GRID2: variants seen among roughly 807,000 people sequenced by gnomAD.
GRID2 encodes the protein glutamate receptor ionotropic, delta-2.
In GRID2, 33 loss-of-function variants were observed where a neutral mutation model predicts 114.8. The observed-to-expected ratio is 0.29, with a 90% CI of 0.22 to 0.38. GRID2 has a LOEUF of 0.38. GRID2 is among the 10% of genes least tolerant of loss of function. The pLI, the probability that GRID2 is intolerant of heterozygous loss-of-function variation, is 1.00. For synonymous variants in GRID2, 505 were observed against 449.9 expected, an observed-to-expected ratio of 1.12 and a Z score of -1.55; for missense variants, 1,184 against 1,257.7, an observed-to-expected ratio of 0.94 and a Z score of 0.89.
intron 1 of GRID2, among the ~76,000 whole-genome samples, chr4:92,470,387 G>A (rs1004419033): frequency 6.6e-6 from 1 of 151,468 alleles, no homozygotes; most frequent in East Asian, 1.9e-4. Flanking sequence ...TGTGAAAAAA[G>A]AATTCCTTGA....
intron 14 of GRID2, among the ~76,000 whole-genome samples, chr4:93,757,841 C>G (rs1039261531): frequency 6.6e-5 from 10 of 152,126 alleles, no homozygotes; most frequent in Admixed American, 6.5e-4. Context: ...CCTGTAATCC[C>G]AGCTACTTGG....
chr4:92,327,044 C>A (rs1290422830), intron 1 of GRID2, among the ~76,000 whole-genome samples: 1 of 151,954 alleles, frequency 6.6e-6, no homozygotes, highest in East Asian at 1.9e-4. Context: ...TGTTTGGCAC[C>A]TCTTTGCTGC....
chr4:92,967,581 G>C (rs1361506655), intron 2 of GRID2, among the ~76,000 whole-genome samples: 1 of 151,656 alleles, frequency 6.6e-6, no homozygotes, highest in Non-Finnish European at 1.5e-5. Flanking sequence ...ATTGTATTCT[G>C]TACTACCTGA....
At chr4:92,905,049 T>G (rs1051476067) in intron 2 of GRID2, among the ~76,000 whole-genome samples, 9 of 152,064 alleles carry the variant, frequency 5.9e-5, no homozygotes, top group Admixed American at 4.6e-4. Context: ...AGCTACTGAT[T>G]AGTTAAGTGA....
intron 10 of GRID2, among the ~76,000 whole-genome samples, chr4:93,428,277 C>A (rs1475869399): frequency 2.0e-5 from 3 of 151,952 alleles, no homozygotes; most frequent in African/African-American, 4.8e-5. Flanking sequence ...GAAAAGATTT[C>A]TATAAAGTAA....
At chr4:93,173,033 CA>C (rs1219753039) in intron 4 of GRID2, among the ~76,000 whole-genome samples, 10 of 151,220 alleles carry the variant, frequency 6.6e-5, no homozygotes, top group Non-Finnish European at 1.5e-4. Context: ...CTGTTCTTAA[CA>C]ACATGTTTCA....
At chr4:93,210,028 A>G (rs1377734541) in intron 5 of GRID2, among the ~76,000 whole-genome samples, 2 of 152,144 alleles carry the variant, frequency 1.3e-5, no homozygotes, top group African/African-American at 2.4e-5. Flanking sequence ...ATAGTTTGCA[A>G]AAATTTTCTC....
At chr4:92,740,698 A>AGAT (rs1400419079) in intron 2 of GRID2, among the ~76,000 whole-genome samples, 276 of 29,942 alleles carry the variant, frequency 9.2e-3, no homozygotes, top group African/African-American at 0.024. Flanking sequence ...GATGATAGAT[A>AGAT]GATAGATAGA....
intron 2 of GRID2, among the ~76,000 whole-genome samples, chr4:92,698,088 C>T (rs946209057): frequency 2.0e-5 from 3 of 152,056 alleles, no homozygotes; most frequent in African/African-American, 7.2e-5. Context: ...GAAGTTGGAG[C>T]TATTGTGCAC....
At chr4:93,024,952 A>T (rs1235580913) in intron 2 of GRID2, among the ~76,000 whole-genome samples, 1 of 151,868 alleles carries the variant, frequency 6.6e-6, no homozygotes, top group African/African-American at 2.4e-5. Flanking sequence ...CAGAGAAATG[A>T]TAACTAAAAT....
chr4:92,746,626 C>T (rs1306550666), intron 2 of GRID2, among the ~76,000 whole-genome samples: 2 of 151,866 alleles, frequency 1.3e-5, no homozygotes, highest in African/African-American at 4.8e-5. Flanking sequence ...ACTCATTTTA[C>T]TTCATGTCAT....
chr4:92,556,665 C>T (rs141448437), intron 1 of GRID2, among the ~76,000 whole-genome samples: 4 of 152,144 alleles, frequency 2.6e-5, no homozygotes, highest in African/African-American at 7.2e-5. Flanking sequence ...TGAAGGCTCA[C>T]GTGAGTGAGT....
chr4:93,032,774 A>G (rs943751340), intron 2 of GRID2, among the ~76,000 whole-genome samples: 8 of 152,184 alleles, frequency 5.3e-5, no homozygotes, highest in Non-Finnish European at 1.0e-4. Context: ...CTTCACATAA[A>G]TTGAAAATAA....
At chr4:92,973,696 G>T (rs1282268576) in intron 2 of GRID2, among the ~76,000 whole-genome samples, 1 of 152,098 alleles carries the variant, frequency 6.6e-6, no homozygotes, top group Non-Finnish European at 1.5e-5. Context: ...AAGGTAAACT[G>T]TGATAATTAG....
At chr4:93,316,276 A>AACG (rs1756582550) in intron 8 of GRID2, among the ~76,000 whole-genome samples, 1 of 57,324 alleles carries the variant, frequency 1.7e-5, no homozygotes. Flanking sequence ...AGAAAGAAAG[A>AACG]AAAGAACGAA....
intron 10 of GRID2, among the ~76,000 whole-genome samples, chr4:93,451,845 T>TA (rs1722714831): frequency 6.6e-6 from 1 of 152,106 alleles, no homozygotes; most frequent in Admixed American, 6.6e-5. Context: ...ATGACTTATA[T>TA]AAAAAGACAC....
intron 4 of GRID2, among the ~76,000 whole-genome samples, chr4:93,127,589 G>C (rs1020384746): frequency 6.6e-6 from 1 of 152,116 alleles, no homozygotes; most frequent in Non-Finnish European, 1.5e-5. Context: ...AAACCTAGGG[G>C]ATAGATGCAA....
chr4:92,840,910 A>G (rs1742842878), intron 2 of GRID2, among the ~76,000 whole-genome samples: 1 of 152,002 alleles, frequency 6.6e-6, no homozygotes, highest in African/African-American at 2.4e-5. Context: ...TCAGTAACTA[A>G]ATGGGTTAAT....
chr4:92,823,117 A>G (rs1170102754), intron 2 of GRID2: 1 of 152,164 alleles, frequency 6.6e-6, no homozygotes, highest in African/African-American at 2.4e-5. Context: ...GTGAAGGGCA[A>G]TATTGGAGAA....
Sources: gnomAD v4.1 joint callset for allele counts (sites outside exome capture counted in the v4.1 genomes callset) on GRCh38, gnomAD v4.1.1 for gene constraint, MANE v1.5 for transcripts, NCBI Gene and HGNC (gene_info 2026-07-23, HGNC 2026-07-21) for gene names.